Variants in TPO observed in about 807,000 individuals in gnomAD.
The protein encoded by TPO is thyroid peroxidase.
In TPO, 78 loss-of-function variants were observed where a neutral mutation model predicts 96.9. The observed-to-expected ratio is 0.81, with a 90% CI of 0.67 to 0.97. The LOEUF (loss-of-function observed/expected upper bound fraction) is 0.97. Among genes scored for constraint, TPO ranks in the 50% least tolerant of loss-of-function variants. TPO has a pLI of 0.00. For missense variants in TPO, 1,252 were observed against 1,274.8 expected, an observed-to-expected ratio of 0.98 and a Z score of 0.27; for synonymous variants, 547 against 538.0, an observed-to-expected ratio of 1.02 and a Z score of -0.23.
chr2:1,386,853 T>C (rs1330566467), intron 1 of TPO, among the ~76,000 whole-genome samples: 1 of 152,220 alleles, frequency 6.6e-6, no homozygotes, highest in African/African-American at 2.4e-5. Context: ...CTGGTACCAG[T>C]TGTTCCTTTC....
At chr2:1,406,121 C>G (rs1662246123) in intron 1 of TPO, among the ~76,000 whole-genome samples, 1 of 152,218 alleles carries the variant, frequency 6.6e-6, no homozygotes, top group Admixed American at 6.5e-5. Context: ...GCATCATTTT[C>G]TGGGGAAGCT....
At chr2:1,533,366 C>T (rs1262275663) in intron 15 of TPO, among the ~76,000 whole-genome samples, 3 of 130,150 alleles carry the variant, frequency 2.3e-5, no homozygotes, top group Non-Finnish European at 4.8e-5. Context: ...AATCCCCCCA[C>T]TGTGTGCAAC....
At chr2:1,382,072 C>T (rs149058827) in intron 1 of TPO, among the ~76,000 whole-genome samples, 58 of 152,138 alleles carry the variant, frequency 3.8e-4, no homozygotes, top group African/African-American at 1.2e-3. Context: ...ATCTTTTGAC[C>T]GAAAGAAGCT....
chr2:1,507,646 A>G (rs1360462138), intron 14 of TPO, among the ~76,000 whole-genome samples: 1 of 151,592 alleles, frequency 6.6e-6, no homozygotes, highest in Non-Finnish European at 1.5e-5. Flanking sequence ...CTTTGAAGCA[A>G]TTGTGAATGG....
At chr2:1,459,152 T>A (rs997963709) in intron 7 of TPO, among the ~76,000 whole-genome samples, 1 of 136,082 alleles carries the variant, frequency 7.3e-6, no homozygotes, top group African/African-American at 2.6e-5. Context: ...ACAAGGGACA[T>A]TTTCTTTTTT....
chr2:1,435,035 G>A lies in TPO; in HGVS notation c.350-1217G>A, dbSNP rs190111027. ...TGCAAGCTCCGCCTCCCAGGTTCACGCCATTCTCCTGCCTCAGCCTCCTGA... is the reference window on the plus strand; with the variant it reads ...TGCAAGCTCCGCCTCCCAGGTTCACACCATTCTCCTGCCTCAGCCTCCTGA... On this transcript the variant is annotated intron_variant, in intron 4 of 16. Coordinates refer to ENST00000329066, the MANE Select transcript of TPO (RefSeq NM_001206744.2). Among the ~76,000 whole-genome samples, 15 of 152,212 alleles carry A rather than the reference G, an allele frequency of 9.9e-5. No individual in the cohort carries two copies. In the East Asian group the frequency reaches 1.9e-3, roughly 20 times the overall value.
At chr2:1,386,201 G>A (rs187080513) in intron 1 of TPO, among the ~76,000 whole-genome samples, 40 of 152,296 alleles carry the variant, frequency 2.6e-4, no homozygotes, top group African/African-American at 7.2e-4. Flanking sequence ...TTGATTTGGC[G>A]TGGAGAGTTC....
intron 14 of TPO, among the ~76,000 whole-genome samples, chr2:1,514,654 C>T (rs117814042): frequency 6.6e-6 from 1 of 152,200 alleles, no homozygotes; most frequent in Non-Finnish European, 1.5e-5. Flanking sequence ...GTGATGCCCC[C>T]GTAGGACATG....
chr2:1,433,076 G>A (rs776301629), intron 3 of TPO, among the ~76,000 whole-genome samples: 1 of 152,174 alleles, frequency 6.6e-6, no homozygotes, highest in Non-Finnish European at 1.5e-5. Flanking sequence ...GCGCTTCCCA[G>A]TCTCCTGTTT....
chr2:1,485,860 G>A (rs1273967625), intron 9 of TPO, among the ~76,000 whole-genome samples: 5 of 152,168 alleles, frequency 3.3e-5, no homozygotes, highest in East Asian at 3.9e-4. Context: ...TAGGTTGCTT[G>A]TTCACTCTGA....
In TPO at chr2:1,503,954, A is replaced by C; in HGVS notation, c.2393A>C (p.Asn798Thr). 1 of 1,614,088 alleles carries C rather than the reference A, an allele frequency of 6.2e-7. No homozygotes were observed. The highest frequency in any genetic ancestry group is 8.5e-7 in the Non-Finnish European group (1 of 1,180,012). Residue 798 changes from asparagine to threonine, a missense_variant, in exon 14 of 17, where the codon AAC becomes ACC. Transcript: ENST00000329066. ...GGCCTTGTGTGTCTGGCAGATGTGA[A>C]CGAGTGTGCAGACGGTGCCCACCCC... ...DFQPPLCKDV[N>T]ECADGAHPPC...
chr2:1,529,675 G>A (rs1455144492), intron 15 of TPO, among the ~76,000 whole-genome samples: 1 of 62,712 alleles, frequency 1.6e-5, no homozygotes. Context: ...CCCCCACTGT[G>A]TGCAACCTCC....
chr2:1,467,386 G>C (rs1233384526), intron 7 of TPO, among the ~76,000 whole-genome samples: 1 of 152,158 alleles, frequency 6.6e-6, no homozygotes, highest in Non-Finnish European at 1.5e-5. Flanking sequence ...TTACAGGCAT[G>C]AGCCACTGTG....
intron 9 of TPO, among the ~76,000 whole-genome samples, chr2:1,485,590 T>G (rs893016593): frequency 6.6e-6 from 1 of 151,708 alleles, no homozygotes; most frequent in African/African-American, 2.4e-5. Context: ...TTTTTAATGA[T>G]CGCCATTCTA....
At chr2:1,518,456 C>G (rs187273793) in intron 15 of TPO, among the ~76,000 whole-genome samples, 177 of 152,284 alleles carry the variant, frequency 1.2e-3, no homozygotes, top group African/African-American at 3.9e-3. Flanking sequence ...AGGGAAGACT[C>G]TGTACCTGCC....
intron 1 of TPO, among the ~76,000 whole-genome samples, chr2:1,382,229 C>T (rs1284561737): frequency 6.6e-6 from 1 of 152,178 alleles, no homozygotes; most frequent in African/African-American, 2.4e-5. Context: ...CAACTGTCAG[C>T]TGGCTTCTGC....
chr2:1,421,089 C>T (rs1663463196), intron 2 of TPO, among the ~76,000 whole-genome samples: 1 of 152,026 alleles, frequency 6.6e-6, no homozygotes, highest in Non-Finnish European at 1.5e-5. Flanking sequence ...GAAATGCACC[C>T]GAGGTGACAC....
intron 3 of TPO, among the ~76,000 whole-genome samples, chr2:1,427,816 T>C (rs1664578973): frequency 6.6e-6 from 1 of 152,148 alleles, no homozygotes; most frequent in Non-Finnish European, 1.5e-5. Flanking sequence ...ATTTCCAATA[T>C]TCACAATTTG....
chr2:1,504,011 C>A lies in TPO; in HGVS notation c.2450C>A (p.Thr817Asn), dbSNP rs1333447684. 6.2e-7 allele frequency: 1 copy of A among 1,614,226 alleles called. No individual in the cohort carries two copies. Among genetic ancestry groups the A allele is most frequent in the Non-Finnish European group, 8.5e-7 (1 of 1,180,046 alleles). Residue 817 changes from threonine (T) to asparagine (N), a missense_variant, in exon 14 of 17, where the codon ACC (threonine) becomes AAC (asparagine). Transcript: ENST00000329066. ...CACGCCTCTGCGAGGTGCAGAAACA[C>A]CAAAGGCGGCTTCCAGTGTCTCTGC... Reference protein sequence around the residue: ...PCHASARCRNTKGGFQCLCAD... With the variant: ...PCHASARCRNNKGGFQCLCAD...
Sources: allele counts gnomAD v4.1 joint callset (sites outside exome capture counted in the v4.1 genomes callset), GRCh38; gene constraint gnomAD v4.1.1; transcripts MANE v1.5; gene names NCBI Gene and HGNC (gene_info 2026-07-23, HGNC 2026-07-21).